Variants in MGAT4A observed in about 807,000 individuals in gnomAD.
The protein encoded by MGAT4A is alpha-1,3-mannosyl-glycoprotein 4-beta-N-acetylglucosaminyltransferase A, also known as N-acetylglucosaminyltransferase IVa.
MGAT4A carries 33 observed loss-of-function variants against 74.1 expected under a neutral mutation model. The ratio of observed to expected loss-of-function variants is 0.45; its 90% CI spans 0.34 to 0.60. The LOEUF (loss-of-function observed/expected upper bound fraction) is 0.60, where lower values mean the gene tolerates loss of function less well. Among genes scored for constraint, MGAT4A ranks in the 20% least tolerant of loss-of-function variants. The pLI is 0.02. For synonymous variants in MGAT4A, 198 were observed against 210.4 expected (o/e 0.94, Z 0.51); for missense variants, 479 against 628.3 (o/e 0.76, Z 2.54).
chr2:98,649,356 A>G (rs769855788), intron 8 of MGAT4A, among the ~76,000 whole-genome samples: 6 of 152,190 alleles, frequency 3.9e-5, no homozygotes, highest in Non-Finnish European at 8.8e-5. Flanking sequence ...CACAGATTTA[A>G]AATCTGAGCA....
At chr2:98,727,150 ACTG>A (rs1702776549) in intron 1 of MGAT4A, among the ~76,000 whole-genome samples, 1 of 152,168 alleles carries the variant, frequency 6.6e-6, no homozygotes, top group Non-Finnish European at 1.5e-5. Context: ...TACAGTTATA[ACTG>A]CTGTTTATCA....
At chr2:98,707,397 G>C (rs1411050979) in intron 2 of MGAT4A, among the ~76,000 whole-genome samples, 2 of 152,104 alleles carry the variant, frequency 1.3e-5, no homozygotes, top group Non-Finnish European at 2.9e-5. Context: ...CTGGCTGCTA[G>C]CAATCACTGC....
In MGAT4A at chr2:98,670,287, T is replaced by A. The variant is rs77776825; in HGVS notation, c.403+4748A>T. Among the ~76,000 whole-genome samples, 134 of 152,088 alleles carry A rather than the reference T, an allele frequency of 8.8e-4. No homozygotes were observed. In the East Asian group the frequency reaches 0.022, roughly 24 times the overall value. On this transcript the variant is annotated intron_variant, in intron 4 of 15. Coordinates refer to ENST00000393487, the MANE Select transcript of MGAT4A (RefSeq NM_012214.3). ...TTTGTTTTAATTCTGAGTGCAAGAGTTCCACTGATTAGCCACCTTGTATTT... is the reference window on the plus strand; with the variant it reads ...TTTGTTTTAATTCTGAGTGCAAGAGATCCACTGATTAGCCACCTTGTATTT...
intron 4 of MGAT4A, among the ~76,000 whole-genome samples, chr2:98,671,361 T>C (rs1364665472): frequency 6.6e-6 from 1 of 152,202 alleles, no homozygotes; most frequent in African/African-American, 2.4e-5. Context: ...AAAATTTAAA[T>C]CTTATCAAGT....
At chr2:98,705,624 T>C (rs1051105898) in intron 2 of MGAT4A, among the ~76,000 whole-genome samples, 1 of 152,140 alleles carries the variant, frequency 6.6e-6, no homozygotes, top group South Asian at 2.1e-4. Context: ...GATTAGGTGA[T>C]TGTGGAGTAG....
At chr2:98,716,342 G>A (rs1428673577) in intron 2 of MGAT4A, among the ~76,000 whole-genome samples, 2 of 152,142 alleles carry the variant, frequency 1.3e-5, no homozygotes, top group Non-Finnish European at 2.9e-5. Flanking sequence ...AGGTAGCTGG[G>A]CGTGGTGGCT....
chr2:98,726,859 C>G (rs1052917871), intron 1 of MGAT4A: 2 of 152,450 alleles, frequency 1.3e-5, no homozygotes, highest in African/African-American at 4.8e-5. Context: ...CTCACAGATT[C>G]CAAGATGAGA....
Position 98,675,112 on chromosome 2 carries a change from T to C in MGAT4A, c.326A>G (p.Tyr109Cys), listed in dbSNP as rs760093546. ...SKKSLQVPSI[Y>C]YHLPHLLKNE... ...TTTCAATAAATGAGGCAAATGATAA[T>C]AAATACTTGGCACTTGAAGAGATTT... The change falls in exon 4 of 16, where the codon TAT becomes TGT. Residue 109 changes from tyrosine (Y) to cysteine (C), a missense_variant. Physicochemically the swap from Tyr to Cys is radical, Grantham distance 194. This residue lies in a region of MGAT4A where 205 missense variants were observed against 232.7 expected (regional missense o/e 0.88). Coordinates refer to ENST00000393487, the MANE Select transcript of MGAT4A (RefSeq NM_012214.3). The C allele has an allele frequency of 1.2e-6, 2 of 1,612,866 alleles. No individual in the cohort carries two copies. Among genetic ancestry groups the C allele is most frequent in the Non-Finnish European group, 8.5e-7 (1 of 1,179,450 alleles).
intron 3 of MGAT4A, among the ~76,000 whole-genome samples, chr2:98,676,313 T>C (rs1213091892): frequency 1.3e-5 from 2 of 152,196 alleles, no homozygotes; most frequent in Non-Finnish European, 2.9e-5. Flanking sequence ...GCAGATTAAA[T>C]ATATTAAATA....
At chr2:98,643,882 A>G in intron 10 of MGAT4A, 41 bp downstream of exon 10, 1 of 1,440,082 alleles carries the variant, frequency 6.9e-7, no homozygotes, top group Non-Finnish European at 9.2e-7. Flanking sequence ...CACGAAATAC[A>G]GAAGTGAAAC....
At chr2:98,721,553 T>C (rs1269353698) in intron 2 of MGAT4A, among the ~76,000 whole-genome samples, 2 of 152,052 alleles carry the variant, frequency 1.3e-5, no homozygotes, top group African/African-American at 2.4e-5. Context: ...AAGGAAATAA[T>C]AACACATAAA....
rs78047863 is a variant in MGAT4A, at chr2:98,675,011, C to T, written c.403+24G>A. The T allele has an allele frequency of 1.2e-3, 1,928 of 1,605,340 alleles. 18 individuals carry two copies. In the African/African-American group the frequency reaches 0.023, roughly 19 times the overall value. ...ACATTTAACAGCAGTAGTACAACTG[C>T]AGTAAGAAACAAAATAAACATACCT... is the stretch of plus-strand genomic sequence containing the variant. On this transcript the variant is annotated intron_variant, in intron 4 of 15. Transcript: ENST00000393487.
chr2:98,661,290 C>A (rs1245387024), intron 5 of MGAT4A, among the ~76,000 whole-genome samples: 1 of 152,042 alleles, frequency 6.6e-6, no homozygotes, highest in East Asian at 1.9e-4. Flanking sequence ...AGAAAAGAAA[C>A]GGATGGATAT....
chr2:98,704,773 TA>T (rs879487780), intron 2 of MGAT4A, among the ~76,000 whole-genome samples: 183 of 144,776 alleles, frequency 1.3e-3, no homozygotes, highest in Admixed American at 1.3e-3. Flanking sequence ...CTGCCTCAAT[TA>T]AAAAAAAAAA....
intron 8 of MGAT4A, among the ~76,000 whole-genome samples, chr2:98,654,054 A>G (rs533417772): frequency 6.6e-6 from 1 of 152,348 alleles, no homozygotes; most frequent in East Asian, 1.9e-4. Context: ...AAATGGAGGA[A>G]AAAAACACAT....
chr2:98,677,077 T>A (rs1351950989), intron 3 of MGAT4A, among the ~76,000 whole-genome samples: 6 of 152,106 alleles, frequency 3.9e-5, no homozygotes, highest in African/African-American at 1.2e-4. Context: ...TCTAGAAAAA[T>A]TATGCAAATT....
Position 98,707,122 on chromosome 2 carries a change from C to T in MGAT4A, c.94+19117G>A, listed in dbSNP as rs553575463. On this transcript the variant is annotated intron_variant, in intron 2 of 15. Coordinates refer to ENST00000393487, the MANE Select transcript of MGAT4A (RefSeq NM_012214.3). Reference sequence around the variant, plus strand: ...CCCAGCTGCTTGGAAGGCTGAGGCACGTGAATCACTTGAACCTGGGAGGCA... The same window carrying T: ...CCCAGCTGCTTGGAAGGCTGAGGCATGTGAATCACTTGAACCTGGGAGGCA... 2.9e-3 allele frequency among the ~76,000 whole-genome samples: 446 copies of T among 151,994 alleles called. 2 individuals carry two copies. Among genetic ancestry groups the T allele is most frequent in the Non-Finnish European group, 5.2e-3 (355 of 67,968 alleles).
chr2:98,671,024 T>C (rs1324555845), intron 4 of MGAT4A, among the ~76,000 whole-genome samples: 1 of 152,176 alleles, frequency 6.6e-6, no homozygotes, highest in East Asian at 1.9e-4. Flanking sequence ...CAAAACAGTG[T>C]CTATTGTCCC....
chr2:98,656,762 T>C (rs1701667463), intron 6 of MGAT4A, among the ~76,000 whole-genome samples: 1 of 151,270 alleles, frequency 6.6e-6, no homozygotes, highest in South Asian at 2.1e-4. Context: ...GTTCCTAAAA[T>C]GTATCTGAAT....
Sources: allele counts gnomAD v4.1 joint callset (sites outside exome capture counted in the v4.1 genomes callset), GRCh38; gene constraint gnomAD v4.1.1; regional missense constraint gnomAD v4.1.1; transcripts MANE v1.5; gene names NCBI Gene and HGNC (gene_info 2026-07-23, HGNC 2026-07-21).